IL13RA2: variants seen among roughly 807,000 people sequenced by gnomAD.
IL13RA2 encodes the protein interleukin 13 receptor subunit alpha 2.
Under a neutral mutation model 34.1 loss-of-function variants are expected in IL13RA2, and 25 were observed. The ratio of observed to expected loss-of-function variants is 0.73; its 90% confidence interval spans 0.53 to 1.03. The LOEUF is 1.03. IL13RA2 is among the 50% of genes least tolerant of loss of function. IL13RA2 has a pLI of 0.00. For missense variants in IL13RA2, 297 were observed against 280.9 expected, an observed-to-expected ratio of 1.06 and a Z score of -0.41; for synonymous variants, 106 against 100.4, an observed-to-expected ratio of 1.06 and a Z score of -0.33.
At chrX:115,004,996 C>A (rs969303922) in intron 9 of IL13RA2, among the ~76,000 whole-genome samples, 1 of 112,645 alleles carries the variant, frequency 8.9e-6, no homozygotes, top group African/African-American at 3.2e-5. Context: ...AAAGTAAATC[C>A]ACCTCAAAAT....
At chrX:115,006,533 A>G (rs1353618918) in intron 8 of IL13RA2, among the ~76,000 whole-genome samples, 1 of 110,669 alleles carries the variant, frequency 9.0e-6, no homozygotes, top group Non-Finnish European at 1.9e-5. Context: ...AAATACAGAA[A>G]TTAGCCAGGC....
chrX:115,012,157 G>A (rs2071708173), intron 5 of IL13RA2, among the ~76,000 whole-genome samples: 1 of 112,153 alleles, frequency 8.9e-6, no homozygotes. Context: ...TCTAAAGAAA[G>A]ATGCCATGAT....
chrX:115,011,540 G>T (rs1207219630), intron 5 of IL13RA2, among the ~76,000 whole-genome samples: 1 of 112,230 alleles, frequency 8.9e-6, no homozygotes, highest in Admixed American at 9.4e-5. Context: ...AGCTTGCAAT[G>T]CAAACCATGA....
Position 115,015,702 on chromosome X carries a change from T to G in IL13RA2, c.214A>C (p.Lys72Gln), listed in dbSNP as rs782692165. ...GTTTCACTACCAATGTTTCGGTATT[T>G]TAGTTCATATTCCACTGTGCATTCC... is the stretch of plus-strand genomic sequence containing the variant. ...FKECTVEYEL[K>Q]YRNIGSETWK... The change falls in exon 3 of 10, where the codon AAA becomes CAA. Residue 72 changes from lysine to glutamine, a missense_variant. Transcript: ENST00000243213. 9 of 1,201,421 alleles carry G rather than the reference T, an allele frequency of 7.5e-6. No individual in the cohort carries two copies. The East Asian group carries it at 2.4e-4, about 32-fold the overall frequency.
At chrX:115,009,484 T>A in intron 7 of IL13RA2, 37 bp downstream of exon 7, 2 of 1,110,196 alleles carry the variant, frequency 1.8e-6, no homozygotes, top group South Asian at 1.9e-5. Flanking sequence ...TAAAAGGCTG[T>A]AGTTATGATT....
At chrX:115,016,434 C>T (rs2071727573) in intron 2 of IL13RA2, among the ~76,000 whole-genome samples, 1 of 109,563 alleles carries the variant, frequency 9.1e-6, no homozygotes, top group Admixed American at 9.9e-5. Flanking sequence ...GTGACTTTGC[C>T]TCACTAGGTA....
At chrX:115,008,895 T>C (rs1175516478) in intron 7 of IL13RA2, among the ~76,000 whole-genome samples, 1 of 112,109 alleles carries the variant, frequency 8.9e-6, no homozygotes, top group Non-Finnish European at 1.9e-5. Context: ...TGAATTTACA[T>C]ACCTGGGATC....
At chrX:115,004,133 T>A in intron 9 of IL13RA2, 27 bp from the exon 10 acceptor site, 1 of 836,120 alleles carries the variant, frequency 1.2e-6, no homozygotes, top group Non-Finnish European at 1.8e-6. Flanking sequence ...TATTAACAAG[T>A]CATCTCTAAT....
At chrX:115,012,283 T>A (rs2071708592) in intron 5 of IL13RA2, among the ~76,000 whole-genome samples, 1 of 112,053 alleles carries the variant, frequency 8.9e-6, no homozygotes, top group Admixed American at 9.5e-5. Context: ...CTATCACTTG[T>A]TTCAGCTATG....
intron 2 of IL13RA2, 22 bp downstream of exon 2, chrX:115,017,154 T>G (rs782199667): frequency 4.6e-6 from 3 of 650,747 alleles, no homozygotes; most frequent in Non-Finnish European, 7.6e-6. Flanking sequence ...ATTTAAAAAC[T>G]ATTCCATTAA....
At position 115,015,669 on chromosome X, in the gene IL13RA2, C is replaced by T; in HGVS notation, c.246+1G>A. The T allele has an allele frequency of 8.3e-7, 1 of 1,199,781 alleles. No individual in the cohort carries two copies. The highest frequency in any genetic ancestry group is 1.1e-6 in the Non-Finnish European group (1 of 885,080). Reference sequence around the variant, plus strand: ...ATACGGCAAATGCATGCTTTACTTACCTTCCATGTTTCACTACCAATGTTT... The same window carrying T: ...ATACGGCAAATGCATGCTTTACTTATCTTCCATGTTTCACTACCAATGTTT... On this transcript the variant is annotated splice_donor_variant, in intron 3 of 9. Transcript: ENST00000243213. LOFTEE classifies it high-confidence loss of function.
chrX:115,014,552 T>G lies in IL13RA2; in HGVS notation c.269A>C (p.His90Pro). The stretch of plus-strand genomic sequence containing the variant: ...GTTAAGATCAAACCCATCTTTGTAA[T>G]GTAGATTCTTAGTAATGATGGTCTG... The part of the protein sequence containing the change: ...TWKTIITKNL[H>P]YKDGFDLNKG... The change falls in exon 4 of 10, where the codon CAT becomes CCT. Residue 90 changes from histidine (H) to proline (P), a missense_variant. His to Pro is a moderately conservative substitution (Grantham distance 77). Transcript: ENST00000243213. The G allele has an allele frequency of 8.4e-7, 1 of 1,184,634 alleles. No individual in the cohort carries two copies. Among genetic ancestry groups the G allele is most frequent in the Non-Finnish European group, 1.1e-6 (1 of 875,734 alleles).
Position 115,005,244 on chromosome X carries a change from A to C in IL13RA2, c.1069T>G (p.Phe357Val), listed in dbSNP as rs1316273139. 8.7e-7 allele frequency: 1 copy of C among 1,143,576 alleles called. No homozygotes were observed. The highest frequency in any genetic ancestry group is 1.2e-6 in the Non-Finnish European group (1 of 833,187). 94.2% of individuals were successfully genotyped at this position (1,143,576 alleles called of 1,213,427 possible). A position where few individuals can be genotyped will look rare whatever the true frequency, so the allele number is the denominator to read the frequency against. The change falls in exon 9 of 10, where the codon TTT becomes GTT. Residue 357 changes from phenylalanine (F) to valine (V), a missense_variant. By Grantham distance (50) the Phe-to-Val change is conservative (BLOSUM62 -1). Transcript: ENST00000243213. ...TTACGCAAAAGCAGACCGGTTACAA[A>C]TATAACTAATATTAAGATGAAACCA... ...PFGFILILVI[F>V]VTGLLLRKPN...
intron 2 of IL13RA2, among the ~76,000 whole-genome samples, chrX:115,016,517 G>T (rs1313127695): frequency 9.2e-6 from 1 of 108,197 alleles, no homozygotes; most frequent in Non-Finnish European, 1.9e-5. Flanking sequence ...TTTGGTCTAA[G>T]ATGGGAACAT....
intron 5 of IL13RA2, among the ~76,000 whole-genome samples, chrX:115,011,474 G>A (rs1556508756): frequency 9.0e-6 from 1 of 111,688 alleles, no homozygotes; most frequent in Non-Finnish European, 1.9e-5. Flanking sequence ...AAGGAACTAG[G>A]AGTGATTCCC....
intron 8 of IL13RA2, among the ~76,000 whole-genome samples, chrX:115,007,006 T>G (rs1263971162): frequency 8.9e-6 from 1 of 112,120 alleles, no homozygotes; most frequent in Non-Finnish European, 1.9e-5. Flanking sequence ...TATAATCTAT[T>G]AGGCTTCTCG....
intron 5 of IL13RA2, among the ~76,000 whole-genome samples, chrX:115,012,928 G>A (rs1332652462): frequency 9.0e-6 from 1 of 111,592 alleles, no homozygotes; most frequent in Non-Finnish European, 1.9e-5. Flanking sequence ...ATTCCAGAAG[G>A]TAATGCAAAC....
chrX:115,006,449 G>A (rs782527342), intron 8 of IL13RA2, among the ~76,000 whole-genome samples: 4 of 111,466 alleles, frequency 3.6e-5, no homozygotes, highest in Non-Finnish European at 3.8e-5. Context: ...TTGTGAGACC[G>A]AGGTGGACGG....
intron 5 of IL13RA2, among the ~76,000 whole-genome samples, chrX:115,011,571 A>T (rs2071706104): frequency 8.9e-6 from 1 of 112,242 alleles, no homozygotes; most frequent in Non-Finnish European, 1.9e-5. Flanking sequence ...AAAAGCAGTC[A>T]AATCCCTGTT....
Sources: gnomAD v4.1 joint callset for allele counts (sites outside exome capture counted in the v4.1 genomes callset) on GRCh38, gnomAD v4.1.1 for gene constraint, MANE v1.5 for transcripts, NCBI Gene and HGNC (gene_info 2026-07-23, HGNC 2026-07-21) for gene names.